Variants in EYS observed in about 807,000 individuals in gnomAD.
The protein encoded by EYS is EGF-like photoreceptor maintenance factor, also known as protein eyes shut homolog.
Under a neutral mutation model 282.1 loss-of-function variants are expected in EYS, and 250 were observed. That is an observed-to-expected ratio of 0.89 (90% CI 0.80 to 0.98). The LOEUF is 0.98. Ranked by LOEUF, EYS falls within the 50% of genes least tolerant of loss-of-function variation. The pLI is 0.00. For synonymous variants in EYS, 1,355 were observed against 1,282.9 expected (o/e 1.06, Z -1.20); for missense variants, 4,016 against 3,709.0 (o/e 1.08, Z -2.15).
intron 12 of EYS, among the ~76,000 whole-genome samples, chr6:65,072,314 C>A (rs1773925018): frequency 6.6e-6 from 1 of 151,558 alleles, no homozygotes; most frequent in Non-Finnish European, 1.5e-5. Flanking sequence ...GAATCAGAGA[C>A]CTAAGATATC....
chr6:65,300,698 T>C (rs1295369378), intron 11 of EYS: 1 of 152,214 alleles, frequency 6.6e-6, no homozygotes, highest in Non-Finnish European at 1.5e-5. Context: ...TATTGCACTG[T>C]GATCAAAGAG....
chr6:64,356,415 G>GCTACATTGGTGTCCCATAAGAC (rs1771826058), intron 29 of EYS, among the ~76,000 whole-genome samples: 1 of 151,394 alleles, frequency 6.6e-6, no homozygotes, highest in Admixed American at 6.6e-5. Context: ...TCCCATAAGA[G>GCTACATTGGTGTCCCATAAGAC]TTGGCACAGC....
intron 29 of EYS, among the ~76,000 whole-genome samples, chr6:64,337,817 G>C (rs1770911073): frequency 6.6e-6 from 1 of 151,920 alleles, no homozygotes; most frequent in Admixed American, 6.6e-5. Flanking sequence ...ATGCAGGGGT[G>C]GTTTAACATA....
intron 2 of EYS, among the ~76,000 whole-genome samples, chr6:65,594,922 T>A (rs1018874769): frequency 1.3e-5 from 2 of 152,126 alleles, no homozygotes; most frequent in African/African-American, 4.8e-5. Flanking sequence ...AAATAGGGAA[T>A]CCTTTCCCCA....
chr6:64,508,653 T>C (rs191297119), intron 26 of EYS, among the ~76,000 whole-genome samples: 407 of 151,136 alleles, frequency 2.7e-3, no homozygotes, highest in Non-Finnish European at 4.4e-3. Context: ...TTTTCAATCT[T>C]GTTGGTCTCA....
intron 11 of EYS, among the ~76,000 whole-genome samples, chr6:65,322,252 G>T (rs547724268): frequency 6.6e-6 from 1 of 152,134 alleles, no homozygotes; most frequent in African/African-American, 2.4e-5. Context: ...AGGAAAGCAC[G>T]GTTCACCTTC....
intron 29 of EYS, among the ~76,000 whole-genome samples, chr6:64,372,230 C>G (rs1037804619): frequency 7.1e-6 from 1 of 141,384 alleles, no homozygotes; most frequent in African/African-American, 2.7e-5. Context: ...TAAGGTAGGT[C>G]TGGTGGTAAA....
chr6:63,974,464 GAT>G (rs1175804921), intron 35 of EYS, among the ~76,000 whole-genome samples: 1 of 152,042 alleles, frequency 6.6e-6, no homozygotes, highest in Non-Finnish European at 1.5e-5. Flanking sequence ...GGAGAGAAAA[GAT>G]AGTTTTCAGA....
intron 29 of EYS, among the ~76,000 whole-genome samples, chr6:64,338,392 GA>G (rs369351603): frequency 1.3e-4 from 19 of 145,350 alleles, no homozygotes; most frequent in African/African-American, 3.0e-4. Flanking sequence ...GCTGCAGAAA[GA>G]AAAAAAAAAC....
At chr6:63,851,840 T>G (rs1017622119) in intron 36 of EYS, among the ~76,000 whole-genome samples, 1 of 150,542 alleles carries the variant, frequency 6.6e-6, no homozygotes, top group African/African-American at 2.4e-5. Flanking sequence ...CTGAAGGAGA[T>G]AGAGACACAA....
At chr6:64,125,259 T>G (rs1773737141) in intron 31 of EYS, among the ~76,000 whole-genome samples, 1 of 151,950 alleles carries the variant, frequency 6.6e-6, no homozygotes, top group Non-Finnish European at 1.5e-5. Flanking sequence ...GCCTTTCAAG[T>G]GGGTCCAAAA....
intron 11 of EYS, among the ~76,000 whole-genome samples, chr6:65,312,487 A>G (rs574461339): frequency 6.6e-6 from 1 of 152,278 alleles, no homozygotes; most frequent in South Asian, 2.1e-4. Flanking sequence ...AATACAAAAA[A>G]AAGAGACCTC....
At chr6:65,361,782 G>A (rs1227036751) in intron 8 of EYS, among the ~76,000 whole-genome samples, 2 of 152,058 alleles carry the variant, frequency 1.3e-5, no homozygotes, top group African/African-American at 2.4e-5. Flanking sequence ...TGCTCATCCT[G>A]AAAGTAATTT....
intron 5 of EYS, among the ~76,000 whole-genome samples, chr6:65,417,208 A>G (rs1767273661): frequency 6.6e-6 from 1 of 152,052 alleles, no homozygotes. Context: ...AAAAATTCAC[A>G]CAAATAAATT....
At chr6:64,190,733 G>A (rs199866804) in intron 31 of EYS, among the ~76,000 whole-genome samples, 1 of 152,102 alleles carries the variant, frequency 6.6e-6, no homozygotes, top group African/African-American at 2.4e-5. Flanking sequence ...GGGCGCCTGA[G>A]GATGTGTTAG....
At position 65,677,339 on chromosome 6, in the gene EYS, A is replaced by G. The variant is rs1388980387; in HGVS notation, c.-448+29796T>C. 3.9e-5 allele frequency among the ~76,000 whole-genome samples: 6 copies of G among 151,952 alleles called. No individual in the cohort carries two copies. The South Asian group carries it at 8.3e-4, about 21-fold the overall frequency. On this transcript the variant is annotated intron_variant, in intron 1 of 42. Coordinates refer to ENST00000503581, the MANE Select transcript of EYS (RefSeq NM_001142800.2). ...AAAACACAATAGATCTCATATAAAAACTGTTAGAACTAGTAAATGAATTCG... is the reference window on the plus strand; with the variant it reads ...AAAACACAATAGATCTCATATAAAAGCTGTTAGAACTAGTAAATGAATTCG...
intron 30 of EYS, among the ~76,000 whole-genome samples, chr6:64,297,977 C>CAAAAAAAAAAAAAAAAAAAAA (rs34562408): frequency 2.0e-4 from 19 of 96,432 alleles, no homozygotes; most frequent in African/African-American, 6.9e-4. Context: ...GATTCTGTCT[C>CAAAAAAAAAAAAAAAAAAAAA]AAAAAAAAAA....
chr6:64,625,564 C>T (rs1477921252), intron 23 of EYS, among the ~76,000 whole-genome samples: 3 of 152,260 alleles, frequency 2.0e-5, no homozygotes, highest in Middle Eastern at 3.4e-3. Context: ...TAATCCCATT[C>T]GCAAGGGCTT....
chr6:64,709,019 T>TACACACACACACACACACACACACACAC (rs36018580), intron 22 of EYS, among the ~76,000 whole-genome samples: 4 of 151,094 alleles, frequency 2.6e-5, no homozygotes, highest in African/African-American at 9.7e-5. Context: ...CATGCACACA[T>TACACACACACACACACACACACACACAC]ACACACACAC....
Sources: allele counts gnomAD v4.1 joint callset (sites outside exome capture counted in the v4.1 genomes callset), GRCh38; gene constraint gnomAD v4.1.1; transcripts MANE v1.5; gene names NCBI Gene and HGNC (gene_info 2026-07-23, HGNC 2026-07-21).